AFG2A: variants seen among roughly 807,000 people sequenced by gnomAD.
AFG2A encodes ATPase family gene 2 protein homolog A.
the AFG2A span, among the ~76,000 whole-genome samples, chr4:123,117,860 T>C: frequency 1.4e-5 from 2 of 142,852 alleles, no homozygotes; most frequent in East Asian, 3.9e-4. Context: ...TTTTTTTAAT[T>C]TTTTTTTTTT....
chr4:123,103,079 A>G, the AFG2A span, among the ~76,000 whole-genome samples: 13 of 151,918 alleles, frequency 8.6e-5, no homozygotes, highest in Middle Eastern at 3.4e-3. Flanking sequence ...TTGACACAAG[A>G]TGGTGATGTT....
the AFG2A span, among the ~76,000 whole-genome samples, chr4:122,940,137 G>C: frequency 2.6e-5 from 4 of 152,126 alleles, no homozygotes; most frequent in African/African-American, 9.7e-5. Context: ...AGTCCTTTGA[G>C]TATATACCCA....
At chr4:122,954,081 AGATATGGG>A in the AFG2A span, among the ~76,000 whole-genome samples, 4 of 152,140 alleles carry the variant, frequency 2.6e-5, no homozygotes, top group Non-Finnish European at 5.9e-5. Flanking sequence ...ATCACAAAGG[AGATATGGG>A]GATACTGCCC....
At chr4:122,978,253 C>T in the AFG2A span, among the ~76,000 whole-genome samples, 39 of 151,440 alleles carry the variant, frequency 2.6e-4, no homozygotes, top group African/African-American at 8.0e-4. Context: ...GTTGCCCCAA[C>T]GAGTGTCTAC....
At chr4:123,047,570 T>A in the AFG2A span, among the ~76,000 whole-genome samples, 2 of 152,176 alleles carry the variant, frequency 1.3e-5, no homozygotes, top group African/African-American at 4.8e-5. Context: ...TTGAGGTAAT[T>A]TGTCTTTTTT....
the AFG2A span, chr4:123,028,216 A>G: frequency 5.0e-6 from 8 of 1,614,034 alleles, no homozygotes; most frequent in Non-Finnish European, 6.8e-6. Context: ...AGGACTGGAA[A>G]GTATCAAACT....
At chr4:123,034,621 A>G in the AFG2A span, among the ~76,000 whole-genome samples, 18 of 151,604 alleles carry the variant, frequency 1.2e-4, no homozygotes, top group African/African-American at 4.1e-4. Flanking sequence ...CTGAATAACT[A>G]TGGTCTTTAG....
At chr4:123,256,696 C>A in the AFG2A span, 1 of 985,130 alleles carries the variant, frequency 1.0e-6, no homozygotes, top group African/African-American at 1.7e-5. Context: ...ATTAAACATT[C>A]TCTCACAGTA....
chr4:123,015,791 C>A, the AFG2A span, among the ~76,000 whole-genome samples: 2 of 104,796 alleles, frequency 1.9e-5, no homozygotes, highest in Admixed American at 9.3e-5. Context: ...CCTCCCGGAC[C>A]GGGCGGCTCG....
the AFG2A span, among the ~76,000 whole-genome samples, chr4:123,161,401 G>A: frequency 2.6e-5 from 4 of 152,124 alleles, no homozygotes; most frequent in Non-Finnish European, 4.4e-5. Context: ...ATCCAGCAGG[G>A]GTGACTAAGT....
At chr4:123,068,324 C>G in the AFG2A span, among the ~76,000 whole-genome samples, 9 of 152,116 alleles carry the variant, frequency 5.9e-5, no homozygotes, top group African/African-American at 1.9e-4. Context: ...TTTCAATGAT[C>G]TGTGGAAATA....
At chr4:123,149,672 C>G in the AFG2A span, among the ~76,000 whole-genome samples, 3 of 152,124 alleles carry the variant, frequency 2.0e-5, no homozygotes, top group Admixed American at 2.0e-4. Context: ...CACACAAAAA[C>G]CACTGGATAT....
At chr4:123,200,037 A>C in the AFG2A span, among the ~76,000 whole-genome samples, 1 of 152,210 alleles carries the variant, frequency 6.6e-6, no homozygotes, top group East Asian at 1.9e-4. Flanking sequence ...CAGAACGTAG[A>C]ACTACTTTTG....
chr4:123,176,313 C>T, the AFG2A span, among the ~76,000 whole-genome samples: 1 of 152,072 alleles, frequency 6.6e-6, no homozygotes, highest in Non-Finnish European at 1.5e-5. Context: ...TCATGTTCAA[C>T]AGAATACCAA....
the AFG2A span, among the ~76,000 whole-genome samples, chr4:123,062,167 A>G: frequency 9.2e-5 from 14 of 152,174 alleles, no homozygotes; most frequent in African/African-American, 3.4e-4. Flanking sequence ...CAGAGAACAC[A>G]TGTGTTTAGT....
the AFG2A span, among the ~76,000 whole-genome samples, chr4:123,211,756 A>G: frequency 6.6e-6 from 1 of 152,090 alleles, no homozygotes. Flanking sequence ...CACTAGAAGC[A>G]CTTTGTCCAC....
the AFG2A span, among the ~76,000 whole-genome samples, chr4:122,962,812 C>T: frequency 2.2e-4 from 34 of 152,144 alleles, no homozygotes; most frequent in Non-Finnish European, 1.3e-4. Context: ...AATTTGACCT[C>T]TTAAAAAAAT....
At chr4:123,117,690 C>T in the AFG2A span, among the ~76,000 whole-genome samples, 2 of 151,322 alleles carry the variant, frequency 1.3e-5, no homozygotes, top group Non-Finnish European at 2.9e-5. Flanking sequence ...CGAAAAAGTT[C>T]TACTTTCTGT....
the AFG2A span, among the ~76,000 whole-genome samples, chr4:123,267,106 G>T: frequency 6.6e-6 from 1 of 151,968 alleles, no homozygotes; most frequent in Admixed American, 6.5e-5. Flanking sequence ...AGTTCTGAAA[G>T]AAGTCATTCT....
Sources: allele counts gnomAD v4.1 joint callset (sites outside exome capture counted in the v4.1 genomes callset), GRCh38; gene constraint gnomAD v4.1.1; transcripts MANE v1.5; gene names NCBI Gene and HGNC (gene_info 2026-07-23, HGNC 2026-07-21).